GCNA: variants seen among roughly 807,000 people sequenced by gnomAD.
GCNA encodes germ cell nuclear acidic peptidase.
Under a neutral mutation model 38.8 loss-of-function variants are expected in GCNA, and 3 were observed. That is an observed-to-expected ratio of 0.08 (90% CI 0.04 to 0.20). The LOEUF is 0.20. Among genes scored for constraint, GCNA ranks in the 10% least tolerant of loss-of-function variants. The probability of loss-of-function intolerance (pLI) is 1.00; values close to 1 mark genes in which losing one functional copy is unlikely to be tolerated. For missense variants in GCNA, 446 were observed against 578.6 expected, an observed-to-expected ratio of 0.77 and a Z score of 2.35; for synonymous variants, 195 against 240.2, an observed-to-expected ratio of 0.81 and a Z score of 1.74.
chrX:71,604,439 G>T lies in GCNA; in HGVS notation c.1162G>T (p.Ala388Ser), dbSNP rs769669251. ...NLSKPPSDPE[A>S]NPEVSERKLP... ...CAGCAAACCACCAAGTGATCCTGAG[G>T]CTAACCCTGAAGTTTCAGAGAGAAA... Residue 388 changes from alanine (A) to serine (S), a missense_variant, in exon 8 of 13, where the codon GCT (alanine) becomes TCT (serine). Physicochemically the swap from Ala to Ser is moderately conservative, Grantham distance 99. Coordinates refer to ENST00000373696, the MANE Select transcript of GCNA (RefSeq NM_052957.5). 14 of 1,207,332 alleles carry T rather than the reference G, an allele frequency of 1.2e-5. No homozygotes were observed. In the South Asian group the frequency reaches 2.3e-4, roughly 20 times the overall value.
chrX:71,579,902 C>T (rs1381123487), intron 1 of GCNA, among the ~76,000 whole-genome samples: 3 of 105,345 alleles, frequency 2.8e-5, no homozygotes, highest in African/African-American at 7.0e-5. Flanking sequence ...CCTGTTTGGT[C>T]GAAGATTGGC....
chrX:71,591,765 A>G (rs36013681), intron 2 of GCNA, among the ~76,000 whole-genome samples: 5 of 111,841 alleles, frequency 4.5e-5, no homozygotes, highest in Admixed American at 9.5e-5. Context: ...TCAGCCTCCC[A>G]AGTTGGTGGG....
At chrX:71,586,811 T>C (rs1006451369) in intron 2 of GCNA, among the ~76,000 whole-genome samples, 4 of 111,437 alleles carry the variant, frequency 3.6e-5, no homozygotes, top group African/African-American at 1.3e-4. Flanking sequence ...GGTTTCACCA[T>C]GTTGGCCAGG....
In GCNA at chrX:71,610,712, A is replaced by G; in HGVS notation, c.1643A>G (p.Asn548Ser). Reference protein sequence around the residue: ...LPEKLRIGWNNKMVKTAGLCS... With the variant: ...LPEKLRIGWNSKMVKTAGLCS... ...GAGAAACTACGCATAGGCTGGAATA[A>G]CAAGATGGTGAAAACTGCTGGCTTA... is the stretch of plus-strand genomic sequence containing the variant. The change falls in exon 11 of 13, where the codon AAC becomes AGC. Residue 548 changes from asparagine to serine, a missense_variant. Physicochemically the swap from Asn to Ser is conservative, Grantham distance 46. This residue lies in a region of GCNA where 60 missense variants were observed against 111.0 expected (regional missense o/e 0.54). Transcript: ENST00000373696. 1 of 1,212,475 alleles carries G rather than the reference A, an allele frequency of 8.2e-7. No individual in the cohort carries two copies. The highest frequency in any genetic ancestry group is 1.1e-6 in the Non-Finnish European group (1 of 895,588).
intron 4 of GCNA, 27 bp downstream of exon 4, chrX:71,592,597 A>G (rs201125431): frequency 1.8e-6 from 2 of 1,084,675 alleles, no homozygotes; most frequent in African/African-American, 5.1e-5. Flanking sequence ...ATGAAACTTT[A>G]CTTTTTTTTT....
chrX:71,583,433 A>T (rs1193141683), intron 2 of GCNA, among the ~76,000 whole-genome samples: 2 of 111,323 alleles, frequency 1.8e-5, no homozygotes, highest in Non-Finnish European at 3.8e-5. Context: ...CCTGGGCAAC[A>T]TAGCAAGACC....
At position 71,603,960 on chromosome X, in the gene GCNA, G is replaced by T; in HGVS notation, c.683G>T (p.Ser228Ile). The T allele has an allele frequency of 8.6e-7, 1 of 1,159,213 alleles. No individual in the cohort carries two copies. Among genetic ancestry groups the T allele is most frequent in the Non-Finnish European group, 1.2e-6 (1 of 868,547 alleles). The change falls in exon 8 of 13, where the codon AGC becomes ATC. Residue 228 changes from serine to isoleucine, a missense_variant. By Grantham distance (142) the Ser-to-Ile change is moderately radical (BLOSUM62 -2). Coordinates refer to ENST00000373696, the MANE Select transcript of GCNA (RefSeq NM_052957.5). ...GATGATTCGGATGTTCCCGACGACA[G>T]CAGTGATGATTCGGATGTTCCCGAC... ...KSDDSDVPDDSSDDSDVPDDS... is the reference protein window; with the variant it reads ...KSDDSDVPDDISDDSDVPDDS...
At chrX:71,603,504 G>T (rs1185411538) in intron 7 of GCNA, 84 bp from the exon 8 acceptor site, 5 of 1,129,345 alleles carry the variant, frequency 4.4e-6, no homozygotes, top group Non-Finnish European at 5.9e-6. Flanking sequence ...TTTAATTTGT[G>T]CTAAATAATC....
chrX:71,604,188 C>A lies in GCNA; in HGVS notation c.911C>A (p.Ala304Asp). 8.3e-7 allele frequency: 1 copy of A among 1,207,598 alleles called. No homozygotes were observed. The highest frequency in any genetic ancestry group is 1.1e-6 in the Non-Finnish European group (1 of 894,107). ...GACGACAGCAGTGATGATTCGGAAG[C>A]TCCCGACGACAAGAGTGATGATTCG... is the stretch of plus-strand genomic sequence containing the variant. ...ASDDSSDDSE[A>D]PDDKSDDSDV... Residue 304 changes from alanine to aspartate, a missense_variant, in exon 8 of 13, where the codon GCT becomes GAT. Around this residue, in one of 7 missense-constraint regions of GCNA, gnomAD observed 160 missense variants for 165.2 expected, o/e 0.97. Coordinates refer to ENST00000373696, the MANE Select transcript of GCNA (RefSeq NM_052957.5).
chrX:71,581,579 C>T (rs773184311), intron 2 of GCNA, among the ~76,000 whole-genome samples: 145 of 112,216 alleles, frequency 1.3e-3, no homozygotes, highest in Non-Finnish European at 1.4e-3. Flanking sequence ...AACGACATTT[C>T]AGCATTTCAA....
rs777724156 is a variant in GCNA at position 71,602,860 on chromosome X, G to A, written c.311-728G>A. Among the ~76,000 whole-genome samples, 4 of 111,923 alleles carry A rather than the reference G, an allele frequency of 3.6e-5. No individual in the cohort carries two copies. The South Asian group carries it at 1.1e-3, about 31-fold the overall frequency. On this transcript the variant is annotated intron_variant, in intron 7 of 12. Transcript: ENST00000373696. ...TGCTCAAGAAATTTTTGCCCAGACTGATGTCCTGGAGATTTTCCTCAATGT... is the reference window on the plus strand; with the variant it reads ...TGCTCAAGAAATTTTTGCCCAGACTAATGTCCTGGAGATTTTCCTCAATGT...
intron 6 of GCNA, among the ~76,000 whole-genome samples, chrX:71,595,495 A>G (rs374334064): frequency 1.8e-5 from 2 of 111,817 alleles, no homozygotes; most frequent in South Asian, 3.7e-4. Flanking sequence ...TGCTTTGATC[A>G]TATCAATCCT....
Position 71,612,335 on chromosome X carries a change from C to T in GCNA, c.1751-20C>T, listed in dbSNP as rs1017738351. ...AGGATTGGTTTTAGTGCTCACATTTCTTTTCATTCTTCTTTCAAGACCGAA... is the reference window on the plus strand; with the variant it reads ...AGGATTGGTTTTAGTGCTCACATTTTTTTTCATTCTTCTTTCAAGACCGAA... On this transcript the variant is annotated intron_variant, in intron 11 of 12. Transcript: ENST00000373696. 1 of 535,081 alleles carries T rather than the reference C, an allele frequency of 1.9e-6. No individual in the cohort carries two copies. The highest frequency in any genetic ancestry group is 2.9e-6 in the Non-Finnish European group (1 of 341,707). The allele number at this position is 535,081 out of a possible 1,213,427, so 44.1% of individuals were successfully genotyped here.
intron 12 of GCNA, 110 bp downstream of exon 12, chrX:71,612,669 T>C: frequency 1.1e-6 from 1 of 884,625 alleles, no homozygotes; most frequent in South Asian, 2.5e-5. Flanking sequence ...AGAACCTCTC[T>C]CCTCCTTTCC....
chrX:71,580,701 C>G (rs2040540013), intron 1 of GCNA, 119 bp from the exon 2 acceptor site: 6 of 589,316 alleles, frequency 1.0e-5, no homozygotes, highest in Non-Finnish European at 1.6e-5. Context: ...GTCTCGATCT[C>G]ATGACATTGT....
intron 2 of GCNA, among the ~76,000 whole-genome samples, chrX:71,586,155 T>C (rs1289941870): frequency 4.6e-5 from 5 of 108,403 alleles, no homozygotes; most frequent in Non-Finnish European, 9.6e-5. Flanking sequence ...TTTTTTTTTT[T>C]CAACTGAGGC....
intron 5 of GCNA, 104 bp downstream of exon 5, chrX:71,594,481 C>T: frequency 1.6e-6 from 1 of 638,758 alleles, no homozygotes; most frequent in Non-Finnish European, 2.4e-6. Flanking sequence ...AAGTTCGTCA[C>T]CTCTAGGGCT....
In GCNA at chrX:71,580,886, AT is replaced by A; in HGVS notation, c.59+9del. The A allele has an allele frequency of 8.4e-7, 1 of 1,192,206 alleles. No homozygotes were observed. Among genetic ancestry groups the A allele is most frequent in the Non-Finnish European group, 1.1e-6 (1 of 884,698 alleles). ...CCGGAGGAGGACGAGGATTGGTGAG[AT>A]TTAGAAAGTTCTGTTTTCTTTTAGT... is the stretch of plus-strand genomic sequence containing the variant. On this transcript the variant is annotated splice_region_variant and intron_variant, in intron 2 of 12. Transcript: ENST00000373696.
intron 8 of GCNA, 124 bp downstream of exon 8, chrX:71,604,800 G>A: frequency 1.0e-6 from 1 of 953,192 alleles, no homozygotes. Flanking sequence ...CTTCCCTGTG[G>A]CCCAAGGAGG....
Sources: gnomAD v4.1 joint callset for allele counts (sites outside exome capture counted in the v4.1 genomes callset) on GRCh38, gnomAD v4.1.1 for gene constraint, gnomAD v4.1.1 regional missense constraint, MANE v1.5 for transcripts, NCBI Gene and HGNC (gene_info 2026-07-23, HGNC 2026-07-21) for gene names.